The following KCNQ5 variants were observed in gnomAD, a reference collection of about 807,000 sequenced individuals.
KCNQ5 encodes the protein potassium voltage-gated channel subfamily Q member 5.
Under a neutral mutation model 98.2 loss-of-function variants are expected in KCNQ5, and 30 were observed. The observed-to-expected ratio is 0.31, with a 90% confidence interval of 0.23 to 0.41. The LOEUF is 0.41. Ranked by LOEUF, KCNQ5 falls within the 10% of genes least tolerant of loss-of-function variation. The pLI is 1.00. For missense variants in KCNQ5, 835 were observed against 1,182.5 expected (o/e 0.71, Z 4.31); for synonymous variants, 458 against 449.4 (o/e 1.02, Z -0.24).
chr6:72,690,824 G>T (rs557664385), intron 1 of KCNQ5, among the ~76,000 whole-genome samples: 1 of 151,836 alleles, frequency 6.6e-6, no homozygotes, highest in South Asian at 2.1e-4. Context: ...TCATAGGAAA[G>T]ATGCTAAAGT....
intron 10 of KCNQ5, among the ~76,000 whole-genome samples, chr6:73,154,889 A>T (rs1229603239): frequency 6.6e-6 from 1 of 151,588 alleles, no homozygotes; most frequent in Non-Finnish European, 1.5e-5. Context: ...ATGATCACAA[A>T]AACAAAACAA....
At chr6:73,050,007 A>G (rs1772145970) in intron 3 of KCNQ5, among the ~76,000 whole-genome samples, 1 of 152,018 alleles carries the variant, frequency 6.6e-6, no homozygotes, top group Admixed American at 6.6e-5. Context: ...TGGGCAACAT[A>G]ATGAGACCCT....
intron 3 of KCNQ5, among the ~76,000 whole-genome samples, chr6:73,076,986 C>A (rs2150391154): frequency 6.6e-6 from 1 of 152,234 alleles, no homozygotes; most frequent in Middle Eastern, 3.4e-3. Flanking sequence ...GAAAGGTTGC[C>A]CCAAAGTCTT....
chr6:72,836,850 T>C (rs750381391), intron 1 of KCNQ5, among the ~76,000 whole-genome samples: 4 of 152,216 alleles, frequency 2.6e-5, no homozygotes, highest in Non-Finnish European at 4.4e-5. Context: ...TTTTATCCTT[T>C]TATTTCCATT....
At chr6:72,707,266 C>CT (rs1348637124) in intron 1 of KCNQ5, among the ~76,000 whole-genome samples, 1 of 152,166 alleles carries the variant, frequency 6.6e-6, no homozygotes. Flanking sequence ...GATTAATACT[C>CT]TTTTAAATAT....
chr6:72,623,614 A>G lies in KCNQ5; in HGVS notation c.398+1027A>G, dbSNP rs563745458. On this transcript the variant is annotated intron_variant, in intron 1 of 13. Coordinates refer to ENST00000370398, the MANE Select transcript of KCNQ5 (RefSeq NM_019842.4). ...ATCTGGGCATTTTAAGGTTGTTTTTATAATGTTACCTCGTGTCTAATTCTT... is the reference window on the plus strand; with the variant it reads ...ATCTGGGCATTTTAAGGTTGTTTTTGTAATGTTACCTCGTGTCTAATTCTT... Among the ~76,000 whole-genome samples, 47 of 152,122 alleles carry G rather than the reference A, an allele frequency of 3.1e-4. No individual in the cohort carries two copies. The East Asian group carries it at 8.1e-3, about 26-fold the overall frequency.
At chr6:73,147,277 ATAT>A (rs1332687957) in intron 10 of KCNQ5, among the ~76,000 whole-genome samples, 2 of 151,900 alleles carry the variant, frequency 1.3e-5, no homozygotes, top group East Asian at 3.8e-4. Context: ...TATATTAAAT[ATAT>A]TGTTATTATT....
intron 9 of KCNQ5, among the ~76,000 whole-genome samples, chr6:73,127,286 G>A (rs1776028553): frequency 6.6e-6 from 1 of 152,184 alleles, no homozygotes. Flanking sequence ...CCCAACTGCA[G>A]AGTAATTTAC....
intron 5 of KCNQ5, among the ~76,000 whole-genome samples, chr6:73,097,375 A>G (rs1458460332): frequency 6.6e-6 from 1 of 152,094 alleles, no homozygotes; most frequent in Non-Finnish European, 1.5e-5. Context: ...ATGCAGAAAC[A>G]TCATTTGATC....
intron 2 of KCNQ5, among the ~76,000 whole-genome samples, chr6:73,012,994 G>T (rs931023368): frequency 6.6e-5 from 10 of 152,006 alleles, no homozygotes; most frequent in Non-Finnish European, 1.2e-4. Flanking sequence ...ATCATCATGG[G>T]ATCTTCCATG....
chr6:72,781,887 G>A (rs975860285), intron 1 of KCNQ5, among the ~76,000 whole-genome samples: 5 of 152,278 alleles, frequency 3.3e-5, no homozygotes, highest in East Asian at 3.9e-4. Context: ...TTAAGCAGTT[G>A]AACACAAAGA....
chr6:73,162,598 C>G (rs1264571876), intron 10 of KCNQ5, among the ~76,000 whole-genome samples: 2 of 152,144 alleles, frequency 1.3e-5, no homozygotes, highest in Non-Finnish European at 2.9e-5. Flanking sequence ...GGAAATATAG[C>G]CCCTCCTAAG....
At chr6:72,890,780 A>G (rs1472020891) in intron 1 of KCNQ5, among the ~76,000 whole-genome samples, 2 of 152,250 alleles carry the variant, frequency 1.3e-5, no homozygotes, top group Non-Finnish European at 2.9e-5. Flanking sequence ...TCACATAAGC[A>G]TATCATATCA....
At chr6:73,193,836 CTTTT>C (rs71540369) in intron 13 of KCNQ5, among the ~76,000 whole-genome samples, 2 of 124,576 alleles carry the variant, frequency 1.6e-5, no homozygotes. Context: ...AATGGGAAGT[CTTTT>C]TTTTTTTTTT....
At chr6:73,123,071 C>T (rs1030417527) in intron 8 of KCNQ5, among the ~76,000 whole-genome samples, 12 of 151,242 alleles carry the variant, frequency 7.9e-5, no homozygotes, top group Admixed American at 4.6e-4. Context: ...ACTCATTGAG[C>T]ACCTATGATG....
At chr6:73,139,539 A>G (rs145082711) in intron 10 of KCNQ5, among the ~76,000 whole-genome samples, 5 of 152,238 alleles carry the variant, frequency 3.3e-5, no homozygotes, top group African/African-American at 7.2e-5. Flanking sequence ...TCTATATGTC[A>G]TTTCTGTTCC....
At chr6:72,846,726 G>C (rs1028773960) in intron 1 of KCNQ5, among the ~76,000 whole-genome samples, 1 of 152,058 alleles carries the variant, frequency 6.6e-6, no homozygotes, top group African/African-American at 2.4e-5. Flanking sequence ...CCCAAACTTG[G>C]CTCTGAATGA....
intron 1 of KCNQ5, among the ~76,000 whole-genome samples, chr6:72,720,961 G>T (rs1769924393): frequency 6.6e-6 from 1 of 152,198 alleles, no homozygotes; most frequent in Non-Finnish European, 1.5e-5. Flanking sequence ...TCCTGTAGGT[G>T]AGCATTCCTT....
At chr6:73,138,392 C>G (rs886720528) in intron 10 of KCNQ5, among the ~76,000 whole-genome samples, 7 of 152,212 alleles carry the variant, frequency 4.6e-5, no homozygotes, top group African/African-American at 1.4e-4. Flanking sequence ...ACTTACTGAA[C>G]CCCACTGCAT....
Sources: gnomAD v4.1 joint callset for allele counts (sites outside exome capture counted in the v4.1 genomes callset) on GRCh38, gnomAD v4.1.1 for gene constraint, MANE v1.5 for transcripts, NCBI Gene and HGNC (gene_info 2026-07-23, HGNC 2026-07-21) for gene names.